Variants in FAM53B observed in about 807,000 individuals in gnomAD.
FAM53B encodes protein FAM53B.
Under a neutral mutation model 32.7 loss-of-function variants are expected in FAM53B, and 12 were observed. The ratio of observed to expected loss-of-function variants is 0.37; its 90% CI spans 0.24 to 0.59. FAM53B has a LOEUF of 0.59. FAM53B is among the 20% of genes least tolerant of loss of function. The pLI, the probability that FAM53B is intolerant of heterozygous loss-of-function variation, is 0.72. For missense variants in FAM53B, 477 were observed against 577.7 expected (o/e 0.83, Z 1.79); for synonymous variants, 234 against 228.7 (o/e 1.02, Z -0.21).
intron 1 of FAM53B, among the ~76,000 whole-genome samples, chr10:124,710,712 T>G (rs1949996033): frequency 6.6e-6 from 1 of 152,238 alleles, no homozygotes; most frequent in African/African-American, 2.4e-5. Flanking sequence ...TCTTAACCTA[T>G]ATCAAGAATC....
intron 4 of FAM53B, among the ~76,000 whole-genome samples, chr10:124,649,228 A>G (rs1949539952): frequency 6.6e-6 from 1 of 152,264 alleles, no homozygotes; most frequent in Non-Finnish European, 1.5e-5. Flanking sequence ...ACCTGGGAGT[A>G]AGGAAACCAG....
In FAM53B at chr10:124,623,002, T is replaced by C. The variant is rs1949321472; in HGVS notation, c.*240A>G. On this transcript the variant is annotated 3_prime_UTR_variant, in exon 5 of 5. Transcript: ENST00000337318. ...GCTGTCCTCTGGGCTGCAGTAGTTCTGTGGACCTGGTGGCTGCCACGCTCG... is the reference window on the plus strand; with the variant it reads ...GCTGTCCTCTGGGCTGCAGTAGTTCCGTGGACCTGGTGGCTGCCACGCTCG... 1 of 537,980 alleles carries C rather than the reference T, an allele frequency of 1.9e-6. No individual in the cohort carries two copies. The highest frequency in any genetic ancestry group is 3.3e-6 in the Non-Finnish European group (1 of 306,176). The allele number at this position is 537,980 out of a possible 1,614,324, so 33.3% of individuals were successfully genotyped here. A position where few individuals can be genotyped will look rare whatever the true frequency, so the allele number is the denominator to read the frequency against.
intron 4 of FAM53B, among the ~76,000 whole-genome samples, chr10:124,626,742 G>A (rs1226423513): frequency 6.6e-6 from 1 of 152,238 alleles, no homozygotes; most frequent in Non-Finnish European, 1.5e-5. Flanking sequence ...AGACCCATTA[G>A]CTAGACCTTT....
intron 4 of FAM53B, among the ~76,000 whole-genome samples, chr10:124,665,070 T>C (rs553270248): frequency 1.1e-4 from 16 of 152,366 alleles, no homozygotes; most frequent in Admixed American, 1.3e-4. Context: ...TGGCCCTCGC[T>C]TGTGTGCACC....
intron 3 of FAM53B, among the ~76,000 whole-genome samples, chr10:124,687,750 T>C (rs1949811289): frequency 6.6e-6 from 1 of 152,218 alleles, no homozygotes; most frequent in African/African-American, 2.4e-5. Context: ...AGAGTCTCTC[T>C]GGGTAGGCAT....
At chr10:124,738,410 T>C (rs930910298) in intron 1 of FAM53B, among the ~76,000 whole-genome samples, 38 of 151,776 alleles carry the variant, frequency 2.5e-4, no homozygotes, top group Non-Finnish European at 5.2e-4. Flanking sequence ...GCAGCCAATA[T>C]TCAGAACCAT....
intron 3 of FAM53B, among the ~76,000 whole-genome samples, chr10:124,688,020 T>C (rs1949813008): frequency 6.6e-6 from 1 of 152,152 alleles, no homozygotes; most frequent in African/African-American, 2.4e-5. Flanking sequence ...TGGAGAAGGA[T>C]CACTTCACCC....
At chr10:124,693,706 T>C (rs7069364) in intron 3 of FAM53B, among the ~76,000 whole-genome samples, 140,452 of 152,152 alleles carry the variant, frequency 0.92, 65,539 homozygotes, top group Non-Finnish European at 0.99. Context: ...CCTTAAATCC[T>C]CACAACTTGC....
Position 124,651,782 on chromosome 10 carries a change from G to A in FAM53B, c.907-28178C>T, listed in dbSNP as rs1207209081. Among the ~76,000 whole-genome samples the A allele has an allele frequency of 1.3e-5, 2 of 152,238 alleles. No individual in the cohort carries two copies. Among genetic ancestry groups the A allele is most frequent in the Non-Finnish European group, 2.9e-5 (2 of 68,044 alleles). On this transcript the variant is annotated intron_variant, in intron 4 of 4. Transcript: ENST00000337318. The surrounding 1 kb of genome is among the most constrained non-coding windows in gnomAD (Gnocchi z 5.2). The stretch of plus-strand genomic sequence containing the variant: ...CGGCAGTGACTGGGCACTGGCACAT[G>A]GCGGGGACACGCCACCCCTGCTGTC...
intron 1 of FAM53B, among the ~76,000 whole-genome samples, chr10:124,729,182 CCT>C (rs1950125881): frequency 6.6e-6 from 1 of 152,284 alleles, no homozygotes; most frequent in South Asian, 2.1e-4. Context: ...AATTAGTCTC[CCT>C]GAGGGCTGGG....
chr10:124,623,960 T>G, intron 4 of FAM53B: 9 of 224,734 alleles, frequency 4.0e-5, no homozygotes, highest in Non-Finnish European at 6.1e-5. Flanking sequence ...ATATATCCAA[T>G]TCCTTGATCA....
At chr10:124,665,040 C>A (rs1016592463) in intron 4 of FAM53B, among the ~76,000 whole-genome samples, 1 of 152,266 alleles carries the variant, frequency 6.6e-6, no homozygotes, top group Non-Finnish European at 1.5e-5. Context: ...ACTGGCCCTA[C>A]AGAGGCCAGC....
chr10:124,682,498 G>A lies in FAM53B; in HGVS notation c.134-119C>T. ...GTATCTTAGAGCCAAAAGGCCCTTA[G>A]AAACCATCCAGTCCAACCTCATTTT... is the stretch of plus-strand genomic sequence containing the variant. On this transcript the variant is annotated intron_variant, in intron 3 of 4. Coordinates refer to ENST00000337318, the MANE Select transcript of FAM53B (RefSeq NM_014661.4). The surrounding 1 kb of genome is among the most constrained non-coding windows in gnomAD (Gnocchi z 5.2). 1 of 834,788 alleles carries A rather than the reference G, an allele frequency of 1.2e-6. No homozygotes were observed. Among genetic ancestry groups the A allele is most frequent in the Non-Finnish European group, 1.8e-6 (1 of 548,498 alleles). 51.7% of individuals were successfully genotyped at this position (834,788 alleles called of 1,614,324 possible). A position where few individuals can be genotyped will look rare whatever the true frequency, so the allele number is the denominator to read the frequency against.
chr10:124,643,081 C>T (rs895616917), intron 4 of FAM53B, among the ~76,000 whole-genome samples: 3 of 152,208 alleles, frequency 2.0e-5, no homozygotes, highest in African/African-American at 7.2e-5. Flanking sequence ...AGAAAGAGCA[C>T]GAAAAGGACA....
At chr10:124,654,944 A>C (rs1250072680) in intron 4 of FAM53B, among the ~76,000 whole-genome samples, 2 of 152,218 alleles carry the variant, frequency 1.3e-5, no homozygotes, top group African/African-American at 2.4e-5. Context: ...GGAAATGCAC[A>C]ATGATTGCTT....
At chr10:124,648,195 C>T (rs967975344) in intron 4 of FAM53B, among the ~76,000 whole-genome samples, 8 of 152,238 alleles carry the variant, frequency 5.3e-5, no homozygotes, top group Admixed American at 1.3e-4. Flanking sequence ...CAAGACACAT[C>T]GAGGATCCAA....
chr10:124,686,981 G>A (rs1221108895), intron 3 of FAM53B, among the ~76,000 whole-genome samples: 1 of 152,220 alleles, frequency 6.6e-6, no homozygotes, highest in Non-Finnish European at 1.5e-5. Flanking sequence ...CTGCTATTGT[G>A]TATCAACACC....
chr10:124,623,256 T>C lies in FAM53B; in HGVS notation c.1255A>G (p.Ile419Val). Residue 419 changes from isoleucine to valine, a missense_variant, in exon 5 of 5, where the codon ATA becomes GTA. Ile to Val is a conservative substitution (Grantham distance 29, BLOSUM62 3). Around this residue, in one of 2 missense-constraint regions of FAM53B, gnomAD observed 165 missense variants for 157.5 expected, o/e 1.05. Transcript: ENST00000337318. ...SLDGELDIEQ[I>V]EKN ...CCCACACCCCCTCAGTTCTTCTCTA[T>C]CTGCTCAATGTCCAACTCGCCGTCC... 1 of 1,604,052 alleles carries C rather than the reference T, an allele frequency of 6.2e-7. No individual in the cohort carries two copies. The highest frequency in any genetic ancestry group is 1.3e-5 in the African/African-American group (1 of 74,902).
intron 4 of FAM53B, among the ~76,000 whole-genome samples, chr10:124,678,078 A>G (rs1037498798): frequency 6.6e-6 from 1 of 152,218 alleles, no homozygotes; most frequent in South Asian, 2.1e-4. Flanking sequence ...CAGAAAAGGG[A>G]GGATGGAAAC....
Sources: gnomAD v4.1 joint callset for allele counts (sites outside exome capture counted in the v4.1 genomes callset) on GRCh38, gnomAD v4.1.1 for gene constraint, gnomAD v4.1.1 regional missense constraint, Gnocchi (gnomAD v3.1) non-coding constraint, MANE v1.5 for transcripts, NCBI Gene and HGNC (gene_info 2026-07-23, HGNC 2026-07-21) for gene names.